Variants in OPCML observed in about 807,000 individuals in gnomAD.
OPCML encodes the protein opioid binding protein/cell adhesion molecule like.
A neutral mutation model predicts 37.8 loss-of-function variants in OPCML; 13 were observed. The observed-to-expected ratio is 0.34, with a 90% confidence interval of 0.22 to 0.55. The LOEUF (loss-of-function observed/expected upper bound fraction) is 0.55, where lower values mean the gene tolerates loss of function less well. Among genes scored for constraint, OPCML ranks in the 20% least tolerant of loss-of-function variants. The probability of loss-of-function intolerance (pLI) is 0.91; values close to 1 mark genes in which losing one functional copy is unlikely to be tolerated. For missense variants in OPCML, 341 were observed against 435.6 expected (o/e 0.78, Z 1.93); for synonymous variants, 176 against 168.8 (o/e 1.04, Z -0.33).
chr11:133,498,541 C>G (rs1490582505), intron 1 of OPCML, among the ~76,000 whole-genome samples: 1 of 152,190 alleles, frequency 6.6e-6, no homozygotes, highest in Non-Finnish European at 1.5e-5. Context: ...CTCCCAGGGC[C>G]TAAGACAACT....
chr11:132,585,031 A>T lies in OPCML; in HGVS notation c.380-55845T>A, dbSNP rs528296585. Among the ~76,000 whole-genome samples, 93 of 152,316 alleles carry T rather than the reference A, an allele frequency of 6.1e-4. 1 individual carries two copies. Among genetic ancestry groups the T allele is most frequent in the African/African-American group, 2.1e-3 (89 of 41,566 alleles). On this transcript the variant is annotated intron_variant, in intron 3 of 7. Transcript: ENST00000524381. The stretch of plus-strand genomic sequence containing the variant: ...TACAAGAGTAGGTTACAGTCTGTCT[A>T]CACATCCAGTTGACTTATGGTTCAC...
chr11:132,716,830 T>C (rs1279116139), intron 2 of OPCML, among the ~76,000 whole-genome samples: 3 of 152,180 alleles, frequency 2.0e-5, no homozygotes, highest in African/African-American at 7.2e-5. Flanking sequence ...GTGAGTCTCT[T>C]ATAAAACCAA....
intron 4 of OPCML, among the ~76,000 whole-genome samples, chr11:132,497,304 A>C (rs1231789230): frequency 6.6e-6 from 1 of 151,850 alleles, no homozygotes. Context: ...GCTGGGCTTA[A>C]TACTGAGGTG....
chr11:133,341,396 T>C lies in OPCML; in HGVS notation c.61+190868A>G, dbSNP rs187589903. Reference sequence around the variant, plus strand: ...ATTCCTGGACATTTCTAAGTTTCCTTGAGTCGCCTTGACATGGACAAGTGA... The same window carrying C: ...ATTCCTGGACATTTCTAAGTTTCCTCGAGTCGCCTTGACATGGACAAGTGA... On this transcript the variant is annotated intron_variant, in intron 1 of 7. Coordinates refer to ENST00000524381, the MANE Select transcript of OPCML (RefSeq NM_001012393.5). Among the ~76,000 whole-genome samples, 239 of 152,276 alleles carry C rather than the reference T, an allele frequency of 1.6e-3. 1 individual carries two copies. Among genetic ancestry groups the C allele is most frequent in the African/African-American group, 5.5e-3 (229 of 41,548 alleles).
At chr11:133,027,216 C>A (rs1947570639) in intron 1 of OPCML, among the ~76,000 whole-genome samples, 1 of 152,222 alleles carries the variant, frequency 6.6e-6, no homozygotes, top group Non-Finnish European at 1.5e-5. Flanking sequence ...TTCGAGCAAA[C>A]TGAGATGGTT....
intron 1 of OPCML, among the ~76,000 whole-genome samples, chr11:133,313,094 C>A (rs1041617297): frequency 2.0e-5 from 3 of 152,190 alleles, no homozygotes; most frequent in African/African-American, 7.2e-5. Context: ...TTATCACTAT[C>A]TGATAGTACA....
chr11:133,505,710 TC>T (rs1948015643), intron 1 of OPCML, among the ~76,000 whole-genome samples: 1 of 152,164 alleles, frequency 6.6e-6, no homozygotes. Flanking sequence ...AACTGATGCC[TC>T]CCAAAAGGAA....
At chr11:133,040,996 G>T (rs117225963) in intron 1 of OPCML, among the ~76,000 whole-genome samples, 1 of 152,140 alleles carries the variant, frequency 6.6e-6, no homozygotes, top group Non-Finnish European at 1.5e-5. Context: ...ATGGGGGCTC[G>T]GACTATAAAA....
chr11:132,940,291 G>A (rs551198748), intron 2 of OPCML, among the ~76,000 whole-genome samples: 15 of 152,264 alleles, frequency 9.9e-5, no homozygotes, highest in Non-Finnish European at 1.6e-4. Context: ...CTCCTTATGG[G>A]ACTTCATTCA....
chr11:132,525,300 A>C (rs1012353366), intron 4 of OPCML, among the ~76,000 whole-genome samples: 1 of 152,186 alleles, frequency 6.6e-6, no homozygotes, highest in Admixed American at 6.5e-5. Flanking sequence ...TGCCATCTTA[A>C]ACTGTAAGTG....
chr11:133,402,578 G>T (rs147646851), intron 1 of OPCML, among the ~76,000 whole-genome samples: 65 of 152,252 alleles, frequency 4.3e-4, no homozygotes, highest in African/African-American at 1.5e-3. Flanking sequence ...AAAGGACCAA[G>T]AAATATTTTC....
chr11:132,835,216 C>A (rs11821334), intron 2 of OPCML, among the ~76,000 whole-genome samples: 1,889 of 152,286 alleles, frequency 0.012, 42 homozygotes, highest in African/African-American at 0.043. Flanking sequence ...GTTTCATATT[C>A]TCTGGCCATG....
At chr11:132,459,935 A>G (rs1420296096) in intron 4 of OPCML, among the ~76,000 whole-genome samples, 2 of 152,096 alleles carry the variant, frequency 1.3e-5, no homozygotes, top group African/African-American at 4.8e-5. Context: ...CACATTATTC[A>G]TTTTCAAGAA....
At chr11:133,491,504 C>A (rs1309211898) in intron 1 of OPCML, among the ~76,000 whole-genome samples, 2 of 152,146 alleles carry the variant, frequency 1.3e-5, no homozygotes, top group East Asian at 1.9e-4. Flanking sequence ...TTTCCCCCAC[C>A]CTCTCTGCAG....
At position 133,194,743 on chromosome 11, in the gene OPCML, G is replaced by C. The variant is rs528621052; in HGVS notation, c.62-251733C>G. On this transcript the variant is annotated intron_variant, in intron 1 of 7. Transcript: ENST00000524381. Reference sequence around the variant, plus strand: ...CTATAGAATGAAATTCAAAATCTATGCTAATGACCTAGTCCCACCTTACCT... The same window carrying C: ...CTATAGAATGAAATTCAAAATCTATCCTAATGACCTAGTCCCACCTTACCT... Among the ~76,000 whole-genome samples the C allele has an allele frequency of 1.6e-4, 24 of 152,242 alleles. No homozygotes were observed. In the South Asian group the frequency reaches 5.0e-3, roughly 32 times the overall value.
At chr11:133,433,858 C>T (rs377501106) in intron 1 of OPCML, among the ~76,000 whole-genome samples, 5 of 152,124 alleles carry the variant, frequency 3.3e-5, no homozygotes, top group African/African-American at 1.2e-4. Flanking sequence ...TAGCTCATAT[C>T]CACACAGAAT....
rs80253582 is a variant in OPCML, at chr11:133,162,422, C to T, written c.62-219412G>A. Among the ~76,000 whole-genome samples the T allele has an allele frequency of 2.6e-3, 400 of 152,312 alleles. 8 individuals are homozygous for T. The East Asian group carries it at 0.031, about 12-fold the overall frequency. ...ATGGAACGTGGCTGAGTTACAGCAA[C>T]TCTAGCTCATGTTTGCTTAAAAAGA... On this transcript the variant is annotated intron_variant, in intron 1 of 7. Coordinates refer to ENST00000524381, the MANE Select transcript of OPCML (RefSeq NM_001012393.5).
At chr11:132,637,157 G>A (rs755332957) in intron 3 of OPCML, among the ~76,000 whole-genome samples, 1 of 148,378 alleles carries the variant, frequency 6.7e-6, no homozygotes, top group Non-Finnish European at 1.5e-5. Context: ...TTTTTTAACT[G>A]AATTTGAAGC....
At chr11:132,594,379 T>G (rs927460785) in intron 3 of OPCML, among the ~76,000 whole-genome samples, 1 of 152,164 alleles carries the variant, frequency 6.6e-6, no homozygotes, top group Non-Finnish European at 1.5e-5. Flanking sequence ...ATCACTAAAT[T>G]TCTTAAGATA....
Sources: gnomAD v4.1 joint callset for allele counts (sites outside exome capture counted in the v4.1 genomes callset) on GRCh38, gnomAD v4.1.1 for gene constraint, MANE v1.5 for transcripts, NCBI Gene and HGNC (gene_info 2026-07-23, HGNC 2026-07-21) for gene names.